The following RELN variants were observed in gnomAD, a reference collection of about 807,000 sequenced individuals.
RELN encodes reelin.
Under a neutral mutation model 427.6 loss-of-function variants are expected in RELN, and 108 were observed. The ratio of observed to expected loss-of-function variants is 0.25; its 90% CI spans 0.22 to 0.30. The LOEUF (loss-of-function observed/expected upper bound fraction) is 0.30, where lower values mean the gene tolerates loss of function less well. Ranked by LOEUF, RELN falls within the 10% of genes least tolerant of loss-of-function variation. The pLI is 1.00. For missense variants in RELN, 3,715 were observed against 4,302.8 expected, an observed-to-expected ratio of 0.86 and a Z score of 3.82; for synonymous variants, 1,524 against 1,513.4, an observed-to-expected ratio of 1.01 and a Z score of -0.16.
intron 2 of RELN, among the ~76,000 whole-genome samples, chr7:103,899,648 T>C (rs1475821383): frequency 1.3e-5 from 2 of 151,828 alleles, no homozygotes; most frequent in African/African-American, 4.8e-5. Context: ...ATACACAACA[T>C]ACACAAATTA....
chr7:103,876,730 C>G (rs1051327056), intron 2 of RELN, among the ~76,000 whole-genome samples: 7 of 151,716 alleles, frequency 4.6e-5, no homozygotes, highest in African/African-American at 1.7e-4. Flanking sequence ...CTTAAAAATC[C>G]TCATTCAAAA....
At position 103,661,431 on chromosome 7, in the gene RELN, G is replaced by A. The variant is rs139321058; in HGVS notation, c.1386C>T (p.Cys462=). 111 of 1,613,630 alleles carry A rather than the reference G, an allele frequency of 6.9e-5. No individual in the cohort carries two copies. The African/African-American group carries it at 1.4e-3, about 20-fold the overall frequency. The change falls in exon 12 of 65, where the codon TGC becomes TGT. Residue 462 remains cysteine (C), a synonymous_variant. Coordinates refer to ENST00000428762, the MANE Select transcript of RELN (RefSeq NM_005045.4). Reference sequence around the variant, plus strand: ...AACCGGTAGTGTCCATGGATGGAGTGCATAATTTCCTCTCTCCATCTTTGA... The same window carrying A: ...AACCGGTAGTGTCCATGGATGGAGTACATAATTTCCTCTCTCCATCTTTGA... ...VFLKDGERKL[C]TPSMDTTGYG... is the part of the protein sequence containing the mutation.
rs1329484134 is a variant in RELN at position 103,824,850 on chromosome 7, T to C, written c.473+8687A>G. Among the ~76,000 whole-genome samples, 1 of 152,044 alleles carries C rather than the reference T, an allele frequency of 6.6e-6. No homozygotes were observed. Among genetic ancestry groups the C allele is most frequent in the East Asian group, 1.9e-4 (1 of 5,186 alleles). On this transcript the variant is annotated intron_variant, in intron 3 of 64. Coordinates refer to ENST00000428762, the MANE Select transcript of RELN (RefSeq NM_005045.4). The surrounding 1 kb of genome is among the most constrained non-coding windows in gnomAD (Gnocchi z 4.4). ...CACTTAATATTCCAAGCATCTCTCATTGCTATACTATCTTCATAAATACTA... is the reference window on the plus strand; with the variant it reads ...CACTTAATATTCCAAGCATCTCTCACTGCTATACTATCTTCATAAATACTA...
intron 57 of RELN, among the ~76,000 whole-genome samples, chr7:103,494,903 A>G (rs1828788709): frequency 6.6e-6 from 1 of 152,134 alleles, no homozygotes; most frequent in African/African-American, 2.4e-5. Context: ...TGGAGAAAAA[A>G]TGGCTCAATG....
In RELN at chr7:103,899,404, A is replaced by G. The variant is rs570816622; in HGVS notation, c.337+17671T>C. Among the ~76,000 whole-genome samples the G allele has an allele frequency of 3.7e-3, 556 of 152,214 alleles. 4 individuals are homozygous for G. Among genetic ancestry groups the G allele is most frequent in the African/African-American group, 0.013 (527 of 41,550 alleles). ...ACCATTCCTTCTGAAACTATGCCGA[A>G]CATTAGAAAAAGAAGGACTCCTCCC... On this transcript the variant is annotated intron_variant, in intron 2 of 64. Coordinates refer to ENST00000428762, the MANE Select transcript of RELN (RefSeq NM_005045.4).
At chr7:103,805,043 G>T (rs1370687512) in intron 3 of RELN, among the ~76,000 whole-genome samples, 7 of 150,788 alleles carry the variant, frequency 4.6e-5, no homozygotes, top group Non-Finnish European at 1.5e-5. Context: ...ATATAATCAG[G>T]TATATAATAT....
At chr7:103,618,272 G>C (rs1027161592) in intron 20 of RELN, among the ~76,000 whole-genome samples, 2 of 152,184 alleles carry the variant, frequency 1.3e-5, no homozygotes, top group Non-Finnish European at 2.9e-5. Context: ...GGTTTTCCAT[G>C]ATGGTCCCCA....
Position 103,569,969 on chromosome 7 carries a change from T to C in RELN, c.4588+2215A>G, listed in dbSNP as rs186834098. ...TTTTAATTCCAAATATGTAAATTGA[T>C]GCTTCAGCTTGAGTAAGTAAAGAAT... On this transcript the variant is annotated intron_variant, in intron 31 of 64. Transcript: ENST00000428762. The surrounding 1 kb of genome is among the most constrained non-coding windows in gnomAD (Gnocchi z 4.0). Among the ~76,000 whole-genome samples the C allele has an allele frequency of 5.4e-4, 82 of 152,378 alleles. No homozygotes were observed. The highest frequency in any genetic ancestry group is 1.8e-3 in the African/African-American group (74 of 41,598).
Position 103,594,351 on chromosome 7 carries a change from G to A in RELN, c.3681C>T (p.Ile1227=). The A allele has an allele frequency of 6.2e-7, 1 of 1,613,960 alleles. No homozygotes were observed. Among genetic ancestry groups the A allele is most frequent in the Non-Finnish European group, 8.5e-7 (1 of 1,179,872 alleles). Reference sequence around the variant, plus strand: ...GTAAAGTTGGATTGATAACTGGGATGATCTGCTTCTGCTTCTCGGACAGAA... The same window carrying A: ...GTAAAGTTGGATTGATAACTGGGATAATCTGCTTCTGCTTCTCGGACAGAA... ...IIILSEKQKQ[I]IPVINPTLPQ... is the part of the protein sequence containing the mutation. The change falls in exon 26 of 65, where the codon ATC becomes ATT. Residue 1227 remains isoleucine, a synonymous_variant. Transcript: ENST00000428762.
In RELN at chr7:103,989,035, T is replaced by G. The variant is rs1463753062; in HGVS notation, c.226+96A>C. ...CTGGGGCCAGGGTTGTCATGGTTCT[T>G]GTTTCCAAGGCCCCTTGGAAGAAGG... On this transcript the variant is annotated intron_variant, in intron 1 of 64. Coordinates refer to ENST00000428762, the MANE Select transcript of RELN (RefSeq NM_005045.4). The surrounding 1 kb of genome is among the most constrained non-coding windows in gnomAD (Gnocchi z 4.9). The G allele has an allele frequency of 1.8e-6, 2 of 1,133,318 alleles. No homozygotes were observed. The highest frequency in any genetic ancestry group is 2.7e-6 in the Non-Finnish European group (2 of 749,756). The allele number at this position is 1,133,318 out of a possible 1,614,324, so 70.2% of individuals were successfully genotyped here.
chr7:103,600,755 G>A (rs1831646966), intron 24 of RELN, among the ~76,000 whole-genome samples: 1 of 152,208 alleles, frequency 6.6e-6, no homozygotes, highest in African/African-American at 2.4e-5. Flanking sequence ...AGCTGAATTG[G>A]AAGGGGCAGA....
chr7:103,787,396 C>G (rs1792044285), intron 3 of RELN, among the ~76,000 whole-genome samples: 1 of 151,846 alleles, frequency 6.6e-6, no homozygotes, highest in Admixed American at 6.6e-5. Flanking sequence ...AATCCAGGAG[C>G]TGGTTTTCTG....
chr7:103,879,592 T>C (rs934209903), intron 2 of RELN, among the ~76,000 whole-genome samples: 10 of 152,182 alleles, frequency 6.6e-5, no homozygotes, highest in African/African-American at 2.2e-4. Context: ...TCCTGCAACA[T>C]GTGAATAGAT....
Position 103,575,508 on chromosome 7 carries a change from T to C in RELN, c.4303+40A>G, listed in dbSNP as rs1228067341. The C allele has an allele frequency of 3.8e-6, 6 of 1,595,388 alleles. No homozygotes were observed. In the South Asian group the frequency reaches 5.5e-5, roughly 15 times the overall value. On this transcript the variant is annotated intron_variant, in intron 29 of 64. Transcript: ENST00000428762. ...GAAACACAGCAACTAGAGATGACTATTTTACAATAAAACCCTCAGACACAT... is the reference window on the plus strand; with the variant it reads ...GAAACACAGCAACTAGAGATGACTACTTTACAATAAAACCCTCAGACACAT...
At chr7:103,742,674 A>C (rs199708285) in intron 6 of RELN, among the ~76,000 whole-genome samples, 21,086 of 152,140 alleles carry the variant, frequency 0.14, 1,619 homozygotes, top group Middle Eastern at 0.28. Flanking sequence ...CAGTGATGGA[A>C]GATGAAATGA....
At chr7:103,571,004 C>T (rs1830870945) in intron 31 of RELN, among the ~76,000 whole-genome samples, 1 of 152,032 alleles carries the variant, frequency 6.6e-6, no homozygotes. Flanking sequence ...CAAAAATGGT[C>T]TATAAAAGCT....
At chr7:103,707,360 ATCCCAACATTTCC>A (rs1379217039) in intron 8 of RELN, among the ~76,000 whole-genome samples, 1 of 152,208 alleles carries the variant, frequency 6.6e-6, no homozygotes, top group African/African-American at 2.4e-5. Flanking sequence ...GAAAAGTAAT[ATCCCAACATTTCC>A]CAACTCAATT....
intron 4 of RELN, among the ~76,000 whole-genome samples, chr7:103,764,509 T>C (rs1288766028): frequency 1.3e-5 from 2 of 151,918 alleles, no homozygotes; most frequent in African/African-American, 2.4e-5. Flanking sequence ...ATGAAAATTA[T>C]AGGTGTGAGT....
At chr7:103,885,555 A>G (rs568364277) in intron 2 of RELN, among the ~76,000 whole-genome samples, 1 of 152,256 alleles carries the variant, frequency 6.6e-6, no homozygotes, top group Non-Finnish European at 1.5e-5. Context: ...ACATGGACAC[A>G]AGGAACGGAA....
Sources: allele counts gnomAD v4.1 joint callset (sites outside exome capture counted in the v4.1 genomes callset), GRCh38; gene constraint gnomAD v4.1.1; non-coding constraint Gnocchi (gnomAD v3.1); transcripts MANE v1.5; gene names NCBI Gene and HGNC (gene_info 2026-07-23, HGNC 2026-07-21).